Variants in WWOX observed in about 807,000 individuals in gnomAD.
The protein encoded by WWOX is WW domain-containing oxidoreductase.
Under a neutral mutation model 46.2 loss-of-function variants are expected in WWOX, and 69 were observed. The observed-to-expected ratio is 1.49, with a 90% confidence interval of 1.23 to 1.82. The LOEUF (loss-of-function observed/expected upper bound fraction) is 1.82, where lower values mean the gene tolerates loss of function less well. Ranked by LOEUF, WWOX falls within the 40% of genes most tolerant of loss-of-function variation. The pLI is 0.00. For synonymous variants in WWOX, 359 were observed against 202.6 expected, an observed-to-expected ratio of 1.77 and a Z score of -6.56; for missense variants, 919 against 542.6, an observed-to-expected ratio of 1.69 and a Z score of -6.89.
chr16:78,229,914 C>G (rs1244704844), intron 5 of WWOX, among the ~76,000 whole-genome samples: 3 of 152,150 alleles, frequency 2.0e-5, no homozygotes, highest in Admixed American at 1.3e-4. Context: ...GGATCTCACT[C>G]TGTCACCCAG....
intron 8 of WWOX, among the ~76,000 whole-genome samples, chr16:78,875,103 G>A (rs560205315): frequency 6.6e-6 from 1 of 152,230 alleles, no homozygotes; most frequent in South Asian, 2.1e-4. Flanking sequence ...CAGACTCGGT[G>A]GATTCTGAAG....
intron 8 of WWOX, among the ~76,000 whole-genome samples, chr16:78,730,442 G>C (rs999921057): frequency 2.0e-5 from 3 of 151,876 alleles, no homozygotes; most frequent in Non-Finnish European, 1.5e-5. Context: ...CATGAGTCCA[G>C]GAGAAATACA....
intron 8 of WWOX, among the ~76,000 whole-genome samples, chr16:78,954,143 G>T (rs953869103): frequency 6.6e-6 from 1 of 152,130 alleles, no homozygotes; most frequent in African/African-American, 2.4e-5. Context: ...CCATAAAAAT[G>T]TCTGTCAGAG....
intron 8 of WWOX, chr16:78,756,828 A>C (rs920690245): frequency 4.5e-6 from 3 of 665,464 alleles, no homozygotes; most frequent in Non-Finnish European, 8.2e-6. Flanking sequence ...ACCTAATACT[A>C]CTGACCTGTA....
chr16:78,459,203 G>C (rs1340851808), intron 8 of WWOX, among the ~76,000 whole-genome samples: 2 of 152,210 alleles, frequency 1.3e-5, no homozygotes, highest in African/African-American at 4.8e-5. Flanking sequence ...TTAATTTAGA[G>C]ATTAAGAAGC....
chr16:78,298,029 G>C (rs1389791515), intron 5 of WWOX, among the ~76,000 whole-genome samples: 1 of 152,102 alleles, frequency 6.6e-6, no homozygotes, highest in African/African-American at 2.4e-5. Flanking sequence ...GTTTTGTGCG[G>C]GGCTTTTCCC....
intron 8 of WWOX, among the ~76,000 whole-genome samples, chr16:78,752,050 C>T (rs1252816477): frequency 2.6e-5 from 4 of 152,132 alleles, no homozygotes; most frequent in Non-Finnish European, 5.9e-5. Context: ...AATTCACTCA[C>T]AGAAGTGAAC....
chr16:78,844,317 C>G (rs1380589447), intron 8 of WWOX, among the ~76,000 whole-genome samples: 2 of 152,120 alleles, frequency 1.3e-5, no homozygotes, highest in African/African-American at 2.4e-5. Flanking sequence ...AAAGCTTAAT[C>G]CTTTTGAAAC....
chr16:78,368,937 C>G (rs1567530005), intron 5 of WWOX, among the ~76,000 whole-genome samples: 1 of 152,324 alleles, frequency 6.6e-6, no homozygotes, highest in East Asian at 1.9e-4. Context: ...CAGTTGCTCT[C>G]TACTGCTCCT....
intron 8 of WWOX, among the ~76,000 whole-genome samples, chr16:78,855,421 G>A (rs189436440): frequency 1.3e-5 from 2 of 152,292 alleles, no homozygotes; most frequent in Admixed American, 6.5e-5. Context: ...GACAAATGCA[G>A]TGAGTTTAAT....
chr16:79,009,657 G>A (rs7204725), intron 8 of WWOX, among the ~76,000 whole-genome samples: 6 of 152,116 alleles, frequency 3.9e-5, no homozygotes, highest in African/African-American at 9.7e-5. Flanking sequence ...CCCCATGTTG[G>A]CCAGCCTTGT....
At chr16:78,242,022 T>C (rs1052565190) in intron 5 of WWOX, among the ~76,000 whole-genome samples, 22 of 152,198 alleles carry the variant, frequency 1.4e-4, no homozygotes, top group Non-Finnish European at 3.1e-4. Flanking sequence ...ATGCCTGTCA[T>C]TGTTGACTGA....
At chr16:78,834,624 G>C (rs1314278120) in intron 8 of WWOX, among the ~76,000 whole-genome samples, 3 of 152,150 alleles carry the variant, frequency 2.0e-5, no homozygotes, top group Non-Finnish European at 2.9e-5. Flanking sequence ...TGCAGATGAA[G>C]ACAGGGTTCC....
intron 6 of WWOX, among the ~76,000 whole-genome samples, chr16:78,397,062 A>G (rs922005456): frequency 2.6e-5 from 4 of 152,200 alleles, no homozygotes; most frequent in African/African-American, 7.2e-5. Flanking sequence ...CAAGGTAAAT[A>G]AGTGTTGAGA....
chr16:78,367,288 T>C (rs116449931), intron 5 of WWOX, among the ~76,000 whole-genome samples: 1,985 of 152,268 alleles, frequency 0.013, 41 homozygotes, highest in African/African-American at 0.045. Flanking sequence ...CGAAAAGTTA[T>C]AATTTTAATG....
chr16:78,783,225 T>A (rs966711241), intron 8 of WWOX, among the ~76,000 whole-genome samples: 1 of 152,230 alleles, frequency 6.6e-6, no homozygotes, highest in African/African-American at 2.4e-5. Context: ...TTGACTTAAC[T>A]GTTCTCTTAG....
chr16:78,261,700 A>G (rs2079236700), intron 5 of WWOX, among the ~76,000 whole-genome samples: 1 of 148,608 alleles, frequency 6.7e-6, no homozygotes, highest in Admixed American at 6.7e-5. Context: ...GCAATATCAC[A>G]ATTTCTAAAA....
intron 8 of WWOX, among the ~76,000 whole-genome samples, chr16:78,611,559 C>T (rs1045249512): frequency 6.6e-6 from 1 of 152,140 alleles, no homozygotes; most frequent in South Asian, 2.1e-4. Flanking sequence ...CCAGTACTGC[C>T]CTAAGCAAGA....
chr16:78,121,030 T>G (rs938574428), intron 4 of WWOX, among the ~76,000 whole-genome samples: 1 of 152,100 alleles, frequency 6.6e-6, no homozygotes, highest in African/African-American at 2.4e-5. Context: ...TCTGGGGCCA[T>G]AGCTAACTTA....
Sources: gnomAD v4.1 joint callset for allele counts (sites outside exome capture counted in the v4.1 genomes callset) on GRCh38, gnomAD v4.1.1 for gene constraint, MANE v1.5 for transcripts, NCBI Gene and HGNC (gene_info 2026-07-23, HGNC 2026-07-21) for gene names.